Variants in IGFN1 observed in about 807,000 individuals in gnomAD.
IGFN1 encodes the protein immunoglobulin-like and fibronectin type III domain-containing protein 1.
Under a neutral mutation model 289.5 loss-of-function variants are expected in IGFN1, and 253 were observed. The ratio of observed to expected loss-of-function variants is 0.87; its 90% CI spans 0.79 to 0.97. IGFN1 has a LOEUF of 0.97. Among genes scored for constraint, IGFN1 ranks in the 50% least tolerant of loss-of-function variants. The pLI is 0.00. For missense variants in IGFN1, 4,470 were observed against 4,686.1 expected (o/e 0.95, Z 1.35); for synonymous variants, 1,706 against 1,788.5 (o/e 0.95, Z 1.16).
Position 201,215,087 on chromosome 1 carries a change from G to A in IGFN1, c.8928G>A (p.Gly2976=), listed in dbSNP as rs548734153. The change falls in exon 14 of 24, where the codon GGG becomes GGA. Residue 2976 remains glycine (G), a synonymous_variant. Transcript: ENST00000335211. The part of the protein sequence containing the change: ...VHSLFITHVQ[G]TQAGRYTFVA... ...GCCTCTTCATCACGCATGTGCAGGG[G>A]ACCCAAGCTGGGAGGTACACCTTTG... is the stretch of plus-strand genomic sequence containing the variant. The A allele has an allele frequency of 2.5e-6, 4 of 1,614,090 alleles. No individual in the cohort carries two copies. In the Admixed American group the frequency reaches 6.7e-5, roughly 27 times the overall value.
chr1:201,198,732 A>C (rs573902447), intron 5 of IGFN1, among the ~76,000 whole-genome samples: 1 of 152,006 alleles, frequency 6.6e-6, no homozygotes, highest in African/African-American at 2.4e-5. Flanking sequence ...CAGTCCATCC[A>C]CCCTTTTTAT....
rs372183161 is a variant in IGFN1 at position 201,205,151 on chromosome 1, A to C, written c.986A>C (p.Glu329Ala). 140 of 1,550,958 alleles carry C rather than the reference A, an allele frequency of 9.0e-5. No homozygotes were observed. The highest frequency in any genetic ancestry group is 1.1e-4 in the Non-Finnish European group (130 of 1,146,990). ...HCEEQGDAVF[E>A]CTLSSPCPSA... is the part of the protein sequence containing the mutation. Reference sequence around the variant, plus strand: ...GAGGAGCAGGGTGACGCAGTCTTTGAATGTACCCTCTCCAGCCCCTGCCCT... The same window carrying C: ...GAGGAGCAGGGTGACGCAGTCTTTGCATGTACCCTCTCCAGCCCCTGCCCT... The change falls in exon 11 of 24, where the codon GAA becomes GCA. Residue 329 changes from glutamate to alanine, a missense_variant. This residue lies in a region of IGFN1 where 2,011 missense variants were observed against 1,953.4 expected (regional missense o/e 1.03). Transcript: ENST00000335211.
chr1:201,211,818 G>C lies in IGFN1; in HGVS notation c.6925G>C (p.Glu2309Gln). The C allele has an allele frequency of 6.5e-7, 1 of 1,536,774 alleles. No homozygotes were observed. Among genetic ancestry groups the C allele is most frequent in the East Asian group, 2.4e-5 (1 of 40,914 alleles). The change falls in exon 12 of 24, where the codon GAG becomes CAG. Residue 2309 changes from glutamate (E) to glutamine (Q), a missense_variant. Coordinates refer to ENST00000335211, the MANE Select transcript of IGFN1 (RefSeq NM_001164586.2). Reference sequence around the variant, plus strand: ...CGAGGCAGGTTCTAGGGGTAGTTTGGAGGATTCTGGGTACATTTTGTCATG... The same window carrying C: ...CGAGGCAGGTTCTAGGGGTAGTTTGCAGGATTCTGGGTACATTTTGTCATG... The part of the protein sequence containing the change: ...GSEAGSRGSL[E>Q]DSGYILSWNE...
At chr1:201,227,299 G>C (rs528646253) in intron 23 of IGFN1, 91 bp downstream of exon 23, 2 of 997,756 alleles carry the variant, frequency 2.0e-6, no homozygotes, top group South Asian at 3.3e-5. Flanking sequence ...GTGCCTAGAG[G>C]GATTCAGCCG....
chr1:201,202,411 G>A (rs1256927112), intron 9 of IGFN1, among the ~76,000 whole-genome samples: 2 of 152,144 alleles, frequency 1.3e-5, no homozygotes, highest in East Asian at 3.9e-4. Context: ...GACATCATGT[G>A]TGACTTGCCC....
At position 201,208,695 on chromosome 1, in the gene IGFN1, C is replaced by T. The variant is rs758541760; in HGVS notation, c.3802C>T (p.Pro1268Ser). The T allele has an allele frequency of 1.4e-5, 22 of 1,536,644 alleles. No individual in the cohort carries two copies. Among genetic ancestry groups the T allele is most frequent in the Admixed American group, 3.9e-5 (2 of 50,936 alleles). The change falls in exon 12 of 24, where the codon CCA (proline) becomes TCA (serine). Residue 1268 changes from proline (P) to serine (S), a missense_variant. This residue lies in a region of IGFN1 where 2,011 missense variants were observed against 1,953.4 expected (regional missense o/e 1.03). Coordinates refer to ENST00000335211, the MANE Select transcript of IGFN1 (RefSeq NM_001164586.2). ...GLQGMGSADG[P>S]GCRKGIGSSG... is the part of the protein sequence containing the mutation. ...CCAAGGAATGGGATCAGCAGATGGGCCAGGTTGTAGGAAGGGTATTGGGAG... is the reference window on the plus strand; with the variant it reads ...CCAAGGAATGGGATCAGCAGATGGGTCAGGTTGTAGGAAGGGTATTGGGAG...
At position 201,216,490 on chromosome 1, in the gene IGFN1, A is replaced by G; in HGVS notation, c.9332A>G (p.Gln3111Arg). The change falls in exon 16 of 24, where the codon CAG (glutamine) becomes CGG (arginine). Residue 3111 changes from glutamine to arginine, a missense_variant. This residue lies in a region of IGFN1 where 2,218 missense variants were observed against 2,114.1 expected (regional missense o/e 1.05). Transcript: ENST00000335211. ...CCCCCACAAGGCCCCATGGAGGTTC[A>G]GGATTGCCATAGGGCTGGCGTCTGC... ...PDPPQGPMEV[Q>R]DCHRAGVCLR... 4 of 1,598,508 alleles carry G rather than the reference A, an allele frequency of 2.5e-6. No homozygotes were observed. Among genetic ancestry groups the G allele is most frequent in the Non-Finnish European group, 3.4e-6 (4 of 1,171,818 alleles).
chr1:201,205,067 C>T lies in IGFN1; in HGVS notation c.917-15C>T. 6.5e-7 allele frequency: 1 copy of T among 1,531,520 alleles called. No individual in the cohort carries two copies. The highest frequency in any genetic ancestry group is 8.8e-7 in the Non-Finnish European group (1 of 1,133,726). The allele number at this position is 1,531,520 out of a possible 1,614,324, so 94.9% of individuals were successfully genotyped here. ...TACCATCAAGCTGATATCCCCATTCCTATTTCCCCGGCAGCCATCCCCCCA... is the reference window on the plus strand; with the variant it reads ...TACCATCAAGCTGATATCCCCATTCTTATTTCCCCGGCAGCCATCCCCCCA... On this transcript the variant is annotated splice_polypyrimidine_tract_variant and intron_variant, in intron 10 of 23. Transcript: ENST00000335211.
intron 3 of IGFN1, among the ~76,000 whole-genome samples, chr1:201,194,669 GGCAGCAGCACCT>G (rs1666814443): frequency 6.6e-6 from 1 of 152,216 alleles, no homozygotes; most frequent in African/African-American, 2.4e-5. Context: ...CTCGCCTCCA[GGCAGCAGCACCT>G]GCTGTGGCTC....
At chr1:201,191,249 T>C (rs942695253) in intron 1 of IGFN1, among the ~76,000 whole-genome samples, 1 of 152,162 alleles carries the variant, frequency 6.6e-6, no homozygotes, top group Non-Finnish European at 1.5e-5. Flanking sequence ...TGGGACTTGT[T>C]ATATTTTGGT....
At chr1:201,199,141 G>A (rs1167914125) in intron 5 of IGFN1, among the ~76,000 whole-genome samples, 193 bp from the exon 6 acceptor site, 4 of 152,168 alleles carry the variant, frequency 2.6e-5, no homozygotes, top group African/African-American at 9.7e-5. Context: ...AGGCTCTAGG[G>A]TAAAAAGGCT....
chr1:201,212,579 C>T lies in IGFN1; in HGVS notation c.7686C>T (p.Asp2562=), dbSNP rs1260249800. The T allele has an allele frequency of 2.1e-5, 32 of 1,549,458 alleles. No individual in the cohort carries two copies. The highest frequency in any genetic ancestry group is 3.3e-4 in the Middle Eastern group (2 of 5,980). Residue 2562 remains aspartate, a synonymous_variant, in exon 12 of 24, where the codon GAC becomes GAT. Coordinates refer to ENST00000335211, the MANE Select transcript of IGFN1 (RefSeq NM_001164586.2). ...DIWKAGPGMT[D]RGRVAGQGGL... is the part of the protein sequence containing the mutation. ...GGAAAGCAGGCCCAGGAATGACAGA[C>T]AGGGGTAGAGTTGCTGGCCAGGGGG...
chr1:201,227,555 A>G (rs1476119351), intron 23 of IGFN1, among the ~76,000 whole-genome samples: 2 of 151,662 alleles, frequency 1.3e-5, no homozygotes, highest in South Asian at 2.1e-4. Flanking sequence ...AGCCTCCTGA[A>G]TAGCTGGGAT....
At chr1:201,192,489 G>A (rs1009371282) in intron 1 of IGFN1, among the ~76,000 whole-genome samples, 1 of 152,066 alleles carries the variant, frequency 6.6e-6, no homozygotes, top group Non-Finnish European at 1.5e-5. Context: ...ATGCAATTAA[G>A]AGGAAATCAG....
In IGFN1 at chr1:201,212,227, CA is replaced by C. The variant is rs1269744097; in HGVS notation, c.7335del (p.Val2447CysfsTer65). 2.0e-6 allele frequency: 3 copies of C among 1,534,040 alleles called. No homozygotes were observed. The highest frequency in any genetic ancestry group is 2.6e-6 in the Non-Finnish European group (3 of 1,145,576). Reference protein sequence around the residue: ...GMAHRDSLRGTGVLGSQGGRQ... With the variant: ...GMAHRDSLRGXGVLGSQGGRQ... ...GCACACAGAGACAGCCTCAGGGGCA[CA>C]GGGGTGCTGGGGTCTCAGGGAGGGC... On this transcript the variant is annotated frameshift_variant, in exon 12 of 24. Transcript: ENST00000335211. LOFTEE classifies it high-confidence loss of function.
intron 9 of IGFN1, 96 bp from the exon 10 acceptor site, chr1:201,203,642 G>T: frequency 8.4e-7 from 1 of 1,183,558 alleles, no homozygotes; most frequent in Non-Finnish European, 1.2e-6. Context: ...GACTGGGCCC[G>T]TGGGAGAAAA....
Position 201,215,614 on chromosome 1 carries a change from T to C in IGFN1, c.9071T>C (p.Ile3024Thr). ...PLVVKAGKPV[I>T]VKIPFQSHLP... ...GTGGTCAAGGCTGGGAAGCCGGTGA[T>C]AGTGAAGATCCCCTTCCAGAGCCAC... Residue 3024 changes from isoleucine (I) to threonine (T), a missense_variant, in exon 15 of 24, where the codon ATA becomes ACA. Ile to Thr is a moderately conservative substitution (Grantham distance 89). Transcript: ENST00000335211. 1 of 1,613,676 alleles carries C rather than the reference T, an allele frequency of 6.2e-7. No homozygotes were observed.
In IGFN1 at chr1:201,208,341, G is replaced by T; in HGVS notation, c.3448G>T (p.Ala1150Ser). The T allele has an allele frequency of 6.7e-7, 1 of 1,486,798 alleles. No individual in the cohort carries two copies. Among genetic ancestry groups the T allele is most frequent in the Non-Finnish European group, 8.9e-7 (1 of 1,128,556 alleles). 92.1% of individuals were successfully genotyped at this position (1,486,798 alleles called of 1,614,324 possible). ...GYEDGSGGPGAMGPGSLRAGS... is the reference protein window; with the variant it reads ...GYEDGSGGPGSMGPGSLRAGS... ...TGAAGATGGCTCTGGGGGTCCAGGA[G>T]CCATGGGACCAGGGTCTCTGAGGGC... Residue 1150 changes from alanine to serine, a missense_variant, in exon 12 of 24, where the codon GCC (alanine) becomes TCC (serine). By Grantham distance (99) the Ala-to-Ser change is moderately conservative. This residue lies in a region of IGFN1 where 2,011 missense variants were observed against 1,953.4 expected (regional missense o/e 1.03). Coordinates refer to ENST00000335211, the MANE Select transcript of IGFN1 (RefSeq NM_001164586.2).
Position 201,212,514 on chromosome 1 carries a change from G to A in IGFN1, c.7621G>A (p.Gly2541Arg). 6.5e-7 allele frequency: 1 copy of A among 1,545,800 alleles called. No homozygotes were observed. The highest frequency in any genetic ancestry group is 2.4e-5 in the East Asian group (1 of 40,926). ...GGCAGTGGAAGGTGAGACCTGGGCA[G>A]GAATGGCTGCTCTAGGGTCTGGATA... The part of the protein sequence containing the change: ...KGAVEGETWA[G>R]MAALGSGYER... The change falls in exon 12 of 24, where the codon GGA becomes AGA. Residue 2541 changes from glycine to arginine, a missense_variant. Physicochemically the swap from Gly to Arg is moderately radical, Grantham distance 125 (BLOSUM62 -2). This residue lies in a region of IGFN1 where 2,218 missense variants were observed against 2,114.1 expected (regional missense o/e 1.05). Coordinates refer to ENST00000335211, the MANE Select transcript of IGFN1 (RefSeq NM_001164586.2).
Sources: gnomAD v4.1 joint callset for allele counts (sites outside exome capture counted in the v4.1 genomes callset) on GRCh38, gnomAD v4.1.1 for gene constraint, gnomAD v4.1.1 regional missense constraint, MANE v1.5 for transcripts, NCBI Gene and HGNC (gene_info 2026-07-23, HGNC 2026-07-21) for gene names.